Variants in NPC1 observed in about 807,000 individuals in gnomAD.
The protein encoded by NPC1 is Niemann-Pick C1 protein.
A neutral mutation model predicts 140.4 loss-of-function variants in NPC1; 85 were observed. The observed-to-expected ratio is 0.61, with a 90% CI of 0.51 to 0.72. The LOEUF is 0.72. Among genes scored for constraint, NPC1 ranks in the 30% least tolerant of loss-of-function variants. The pLI is 0.00. For synonymous variants in NPC1, 656 were observed against 624.8 expected (o/e 1.05, Z -0.74); for missense variants, 1,504 against 1,623.8 (o/e 0.93, Z 1.27).
intron 1 of NPC1, chr18:23,524,092 T>C (rs1216443580): frequency 2.5e-6 from 4 of 1,610,332 alleles, no homozygotes; most frequent in Non-Finnish European, 8.5e-7. Flanking sequence ...CAGCATTTTC[T>C]GACTGCATCG....
Position 23,551,744 on chromosome 18 carries a change from A to G in NPC1, c.1554-17T>C, listed in dbSNP as rs764473824. ...GCAGGAGCCCTGCCAAAAAGTTTAG[A>G]AAACACCTCCCAGTTAGAAGGGCCT... On this transcript the variant is annotated splice_polypyrimidine_tract_variant and intron_variant, in intron 9 of 24. Coordinates refer to ENST00000269228, the MANE Select transcript of NPC1 (RefSeq NM_000271.5). 1.3e-6 allele frequency: 2 copies of G among 1,561,756 alleles called. No homozygotes were observed. Among genetic ancestry groups the G allele is most frequent in the Non-Finnish European group, 1.8e-6 (2 of 1,132,378 alleles).
chr18:23,530,272 A>C (rs1371764248), downstream of NPC1: 2 of 1,614,218 alleles, frequency 1.2e-6, no homozygotes, highest in Non-Finnish European at 1.7e-6. Context: ...CCTCCTGCTC[A>C]TCAGCTATCT....
At position 23,540,530 on chromosome 18, in the gene NPC1, A is replaced by G; in HGVS notation, c.2522T>C (p.Ile841Thr). Residue 841 changes from isoleucine to threonine, a missense_variant, in exon 17 of 25, where the codon ATA becomes ACA. Ile to Thr is a moderately conservative substitution (Grantham distance 89, BLOSUM62 -1). Coordinates refer to ENST00000269228, the MANE Select transcript of NPC1 (RefSeq NM_000271.5). ...GCTGAATGACAGAACACCCACAAATATTGCTATCTGGAACAACAAATGAAT... is the reference window on the plus strand; with the variant it reads ...GCTGAATGACAGAACACCCACAAATGTTGCTATCTGGAACAACAAATGAAT... ...KDWMRPIVIA[I>T]FVGVLSFSIA... The G allele has an allele frequency of 1.9e-6, 3 of 1,609,770 alleles. No homozygotes were observed. Among genetic ancestry groups the G allele is most frequent in the East Asian group, 2.2e-5 (1 of 44,864 alleles).
chr18:23,527,589 CTTTTT>C (rs71163615), downstream of NPC1, among the ~76,000 whole-genome samples: 72 of 108,368 alleles, frequency 6.6e-4, no homozygotes, highest in Non-Finnish European at 1.1e-3. Context: ...CCTGCTATAG[CTTTTT>C]TTTTTTTTTT....
chr18:23,562,827 A>G (rs1477467429), intron 4 of NPC1, among the ~76,000 whole-genome samples: 1 of 152,096 alleles, frequency 6.6e-6, no homozygotes, highest in Non-Finnish European at 1.5e-5. Flanking sequence ...TCTCTACAAA[A>G]AATAAAAAAA....
intron 4 of NPC1, among the ~76,000 whole-genome samples, chr18:23,565,361 GTTTTTC>G (rs1409679595): frequency 6.6e-6 from 1 of 151,970 alleles, no homozygotes; most frequent in African/African-American, 2.4e-5. Flanking sequence ...TGTTTTTTCT[GTTTTTC>G]TTTTTTTGAG....
intron 1 of NPC1, chr18:23,524,130 G>T: frequency 6.2e-7 from 1 of 1,614,022 alleles, no homozygotes; most frequent in Non-Finnish European, 8.5e-7. Flanking sequence ...CAATTTGTAG[G>T]TCCTGCTGCC....
At chr18:23,535,100 C>T (rs1272338835) in intron 22 of NPC1, among the ~76,000 whole-genome samples, 1 of 152,054 alleles carries the variant, frequency 6.6e-6, no homozygotes, top group Non-Finnish European at 1.5e-5. Flanking sequence ...TGTGCAATCT[C>T]TAAAGAATAA....
chr18:23,540,396 T>A, intron 17 of NPC1, 52 bp downstream of exon 17: 6 of 1,165,434 alleles, frequency 5.1e-6, no homozygotes, highest in Non-Finnish European at 7.6e-6. Context: ...GAAAAATGTA[T>A]TCATCATCAG....
chr18:23,564,147 G>A (rs1349581416), intron 4 of NPC1, among the ~76,000 whole-genome samples: 1 of 148,126 alleles, frequency 6.8e-6, no homozygotes, highest in Non-Finnish European at 1.5e-5. Flanking sequence ...ACCACACCTG[G>A]CTAATTTTTC....
At position 23,539,857 on chromosome 18, in the gene NPC1, C is replaced by A; in HGVS notation, c.2749G>T (p.Asp917Tyr). ...MVCGGMGCNN[D>Y]SLVQQIFNAA... ...TTAAATATCTGCTGCACCAGGGAAT[C>A]ATTGTTGCAGCCCATGCCGCCGCAC... Residue 917 changes from aspartate to tyrosine, a missense_variant, in exon 18 of 25, where the codon GAT (aspartate) becomes TAT (tyrosine). Physicochemically the swap from Asp to Tyr is radical, Grantham distance 160. Coordinates refer to ENST00000269228, the MANE Select transcript of NPC1 (RefSeq NM_000271.5). 1 of 1,614,210 alleles carries A rather than the reference C, an allele frequency of 6.2e-7. No homozygotes were observed. The highest frequency in any genetic ancestry group is 8.5e-7 in the Non-Finnish European group (1 of 1,180,040).
At chr18:23,524,274 C>G in intron 1 of NPC1, 1 of 1,510,620 alleles carries the variant, frequency 6.6e-7, no homozygotes, top group Non-Finnish European at 9.2e-7. Context: ...GAATAACACT[C>G]CGAGAGCCAC....
At position 23,548,016 on chromosome 18, in the gene NPC1, A is replaced by C. The variant is rs1310117259; in HGVS notation, c.1747T>G (p.Trp583Gly). 6.3e-7 allele frequency: 1 copy of C among 1,596,022 alleles called. No individual in the cohort carries two copies. The highest frequency in any genetic ancestry group is 8.6e-7 in the Non-Finnish European group (1 of 1,163,716). ...DTEKLQRAQA[W>G]EKEFINFVKN... is the part of the protein sequence containing the mutation. ...CCATGAGTGACTCACTCTTTTTCCC[A>C]GGCCTGGGCCCTCTGGAGCTTCTCT... is the stretch of plus-strand genomic sequence containing the variant. The change falls in exon 11 of 25, where the codon TGG (tryptophan) becomes GGG (glycine). Residue 583 changes from tryptophan to glycine, a missense_variant. Physicochemically the swap from Trp to Gly is radical, Grantham distance 184. Coordinates refer to ENST00000269228, the MANE Select transcript of NPC1 (RefSeq NM_000271.5).
At chr18:23,558,788 T>C (rs1408171508) in intron 6 of NPC1, among the ~76,000 whole-genome samples, 2 of 152,222 alleles carry the variant, frequency 1.3e-5, no homozygotes, top group African/African-American at 4.8e-5. Context: ...TTGTTACGTA[T>C]GTGTACGTGT....
intron 21 of NPC1, 27 bp downstream of exon 21, chr18:23,536,646 A>AC (rs2058634851): frequency 1.2e-6 from 2 of 1,600,030 alleles, no homozygotes; most frequent in African/African-American, 2.7e-5. Flanking sequence ...TGCTGGGTAA[A>AC]CCCCATTGAA....
At chr18:23,541,239 C>T (rs1436110766) in intron 15 of NPC1, 31 bp from the exon 16 acceptor site, 3 of 1,614,234 alleles carry the variant, frequency 1.9e-6, no homozygotes, top group Non-Finnish European at 2.5e-6. Flanking sequence ...AAAGGTTATA[C>T]CCGCTAGCTG....
intron 1 of NPC1, chr18:23,524,236 G>T: frequency 6.3e-7 from 1 of 1,584,582 alleles, no homozygotes. Context: ...TCAGAGAGTG[G>T]TCCTGAAGTC....
intron 4 of NPC1, among the ~76,000 whole-genome samples, chr18:23,563,118 CATATA>C (rs1441685120): frequency 1.2e-4 from 19 of 152,200 alleles, no homozygotes; most frequent in Non-Finnish European, 2.5e-4. Flanking sequence ...TAAATCCAAT[CATATA>C]ATATGTGGTC....
At chr18:23,576,510 A>C in intron 1 of NPC1, 1 of 994,162 alleles carries the variant, frequency 1.0e-6, no homozygotes, top group Non-Finnish European at 1.2e-6. Context: ...AGGCTTAGGC[A>C]CTATTTTAAA....
Sources: allele counts gnomAD v4.1 joint callset (sites outside exome capture counted in the v4.1 genomes callset), GRCh38; gene constraint gnomAD v4.1.1; transcripts MANE v1.5; gene names NCBI Gene and HGNC (gene_info 2026-07-23, HGNC 2026-07-21).